The following CARNS1 variants were observed in gnomAD, a reference collection of about 807,000 sequenced individuals.
CARNS1 encodes carnosine synthase 1.
In CARNS1, 61 loss-of-function variants were observed where a neutral mutation model predicts 74.0. The ratio of observed to expected loss-of-function variants is 0.82; its 90% confidence interval spans 0.67 to 1.02. CARNS1 has a LOEUF of 1.02. Among genes scored for constraint, CARNS1 ranks in the 50% least tolerant of loss-of-function variants. CARNS1 has a pLI of 0.00. For synonymous variants in CARNS1, 568 were observed against 605.5 expected, an observed-to-expected ratio of 0.94 and a Z score of 0.91; for missense variants, 1,278 against 1,308.4, an observed-to-expected ratio of 0.98 and a Z score of 0.36.
chr11:67,419,105 G>T lies in CARNS1; in HGVS notation c.714G>T (p.Pro238=), dbSNP rs1004779634. The change falls in exon 5 of 10, where the codon CCG becomes CCT. Residue 238 remains proline (P), a synonymous_variant. Coordinates refer to ENST00000687366, the MANE Select transcript of CARNS1 (RefSeq NM_001166222.2). ...CAACCCTGGCTTTCACCTACAAGCC[G>T]CCGGGGCTGCTGCGGGGAGGGGATG... is the stretch of plus-strand genomic sequence containing the variant. ...VPATLAFTYK[P]PGLLRGGDAS... 1 of 1,570,452 alleles carries T rather than the reference G, an allele frequency of 6.4e-7. No homozygotes were observed. Among genetic ancestry groups the T allele is most frequent in the Non-Finnish European group, 8.6e-7 (1 of 1,157,264 alleles).
chr11:67,421,101 A>G lies in CARNS1; in HGVS notation c.1508A>G (p.Glu503Gly). Reference protein sequence around the residue: ...ADEAVAAPLVETMLRRSARCL... With the variant: ...ADEAVAAPLVGTMLRRSARCL... ...GAGGCGGTGGCGGCGCCGCTGGTGG[A>G]GACCATGCTTCGGCGGTCGGCGCGC... Residue 503 changes from glutamate (E) to glycine (G), a missense_variant, in exon 9 of 10, where the codon GAG becomes GGG. Physicochemically the swap from Glu to Gly is moderately conservative, Grantham distance 98 (BLOSUM62 -2). Around this residue, in one of 3 missense-constraint regions of CARNS1, gnomAD observed 1,164 missense variants for 1,156.5 expected, o/e 1.01. Transcript: ENST00000687366. 1 of 1,440,230 alleles carries G rather than the reference A, an allele frequency of 6.9e-7. No homozygotes were observed. Among genetic ancestry groups the G allele is most frequent in the Non-Finnish European group, 9.1e-7 (1 of 1,103,792 alleles). 89.2% of individuals were successfully genotyped at this position (1,440,230 alleles called of 1,614,324 possible).
intron 7 of CARNS1, among the ~76,000 whole-genome samples, chr11:67,420,125 C>G (rs972476722): frequency 3.3e-5 from 5 of 152,190 alleles, no homozygotes; most frequent in African/African-American, 9.7e-5. Flanking sequence ...CTCTTGCCCA[C>G]GTAGAGGCTG....
chr11:67,417,352 C>T (rs1475187633), intron 2 of CARNS1, 55 bp from the exon 3 acceptor site: 1 of 1,287,784 alleles, frequency 7.8e-7, no homozygotes, highest in Non-Finnish European at 9.8e-7. Flanking sequence ...CCTTGGGTGA[C>T]TTAATGTGCC....
Position 67,424,813 on chromosome 11 carries a change from C to A in CARNS1, c.*212C>A, listed in dbSNP as rs1313656805. The A allele has an allele frequency of 1.3e-5, 8 of 635,308 alleles. No homozygotes were observed. Among genetic ancestry groups the A allele is most frequent in the Admixed American group, 7.6e-5 (3 of 39,560 alleles). The allele number at this position is 635,308 out of a possible 1,614,324, so 39.4% of individuals were successfully genotyped here. On this transcript the variant is annotated 3_prime_UTR_variant, in exon 10 of 10. Coordinates refer to ENST00000687366, the MANE Select transcript of CARNS1 (RefSeq NM_001166222.2). ...CTCTTGCCCTCCCGAAGGCCCCAGT[C>A]CAGCCTACAGCTTCCCCAGCATTCT...
At position 67,422,171 on chromosome 11, in the gene CARNS1, C is replaced by CCT. The variant is rs753333377; in HGVS notation, c.1626+952_1626+953insCT. Among the ~76,000 whole-genome samples the CCT allele has an allele frequency of 3.7e-4, 27 of 72,798 alleles. No homozygotes were observed. In the East Asian group the frequency reaches 0.012, roughly 32 times the overall value. 47.8% of individuals were successfully genotyped at this position (72,798 alleles called of 152,430 possible). A position where few individuals can be genotyped will look rare whatever the true frequency, so the allele number is the denominator to read the frequency against. On this transcript the variant is annotated intron_variant, in intron 9 of 9. Transcript: ENST00000687366. ...ACAGGCGTGAGCCACCGCGCCCGGC[C>CCT]TTTTTTTTTTTTTTTTTTTTTTTTT...
Position 67,421,232 on chromosome 11 carries a change from C to T in CARNS1, c.1626+13C>T. The T allele has an allele frequency of 2.1e-5, 28 of 1,360,486 alleles. No homozygotes were observed. Among genetic ancestry groups the T allele is most frequent in the Non-Finnish European group, 2.7e-5 (28 of 1,046,632 alleles). 84.3% of individuals were successfully genotyped at this position (1,360,486 alleles called of 1,614,324 possible). A position where few individuals can be genotyped will look rare whatever the true frequency, so the allele number is the denominator to read the frequency against. On this transcript the variant is annotated intron_variant, in intron 9 of 9. Transcript: ENST00000687366. ...CTACGGGCTCCAGGTGGGCGGGGCG[C>T]GGGGCGGGGCTGGGCCCCAGGTCCT...
chr11:67,416,231 AG>A (rs1278109953), intron 2 of CARNS1, 29 bp downstream of exon 2: 1 of 1,536,882 alleles, frequency 6.5e-7, no homozygotes, highest in Non-Finnish European at 8.7e-7. Context: ...CTCCCCCACA[AG>A]GCCCAAGTCC....
Position 67,424,082 on chromosome 11 carries a change from G to A in CARNS1, c.2334G>A (p.Gln778=), listed in dbSNP as rs371390527. Residue 778 remains glutamine (Q), a synonymous_variant, in exon 10 of 10, where the codon CAG becomes CAA. Coordinates refer to ENST00000687366, the MANE Select transcript of CARNS1 (RefSeq NM_001166222.2). ...PTGLAPEQEA[Q]MVQAAFRCCL... The stretch of plus-strand genomic sequence containing the variant: ...GGCTGGCACCAGAGCAGGAGGCACA[G>A]ATGGTTCAGGCAGCCTTCCGCTGTT... 2.4e-5 allele frequency: 39 copies of A among 1,613,436 alleles called. No individual in the cohort carries two copies. Among genetic ancestry groups the A allele is most frequent in the Non-Finnish European group, 3.1e-5 (36 of 1,179,784 alleles).
Position 67,421,227 on chromosome 11 carries a change from G to A in CARNS1, c.1626+8G>A. 3 of 1,482,470 alleles carry A rather than the reference G, an allele frequency of 2.0e-6. No homozygotes were observed. The highest frequency in any genetic ancestry group is 1.8e-6 in the Non-Finnish European group (2 of 1,123,750). The allele number at this position is 1,482,470 out of a possible 1,614,324, so 91.8% of individuals were successfully genotyped here. On this transcript the variant is annotated splice_region_variant and intron_variant, in intron 9 of 9. Transcript: ENST00000687366. ...CGCGACTACGGGCTCCAGGTGGGCG[G>A]GGCGCGGGGCGGGGCTGGGCCCCAG...
At chr11:67,420,537 G>A (rs1863667144) in intron 7 of CARNS1, 72 bp from the exon 8 acceptor site, 1 of 1,007,372 alleles carries the variant, frequency 9.9e-7, no homozygotes, top group Non-Finnish European at 1.3e-6. Context: ...CTGAATTTTG[G>A]CACAAGGCGG....
In CARNS1 at chr11:67,423,687, C is replaced by T. The variant is rs1236509442; in HGVS notation, c.1939C>T (p.Leu647Phe). The T allele has an allele frequency of 6.3e-7, 1 of 1,591,968 alleles. No homozygotes were observed. The highest frequency in any genetic ancestry group is 2.3e-5 in the East Asian group (1 of 43,856). The change falls in exon 10 of 10, where the codon CTC becomes TTC. Residue 647 changes from leucine (L) to phenylalanine (F), a missense_variant. Leu to Phe is a conservative substitution (Grantham distance 22, BLOSUM62 0). Transcript: ENST00000687366. The surrounding 1 kb of genome is among the most constrained non-coding windows in gnomAD (Gnocchi z 5.1). ...HHGPPWPAPS[L>F]HAVPCCPLES... is the part of the protein sequence containing the mutation. Reference sequence around the variant, plus strand: ...TGGCCCACCCTGGCCTGCGCCCTCCCTCCATGCTGTGCCCTGCTGCCCACT... The same window carrying T: ...TGGCCCACCCTGGCCTGCGCCCTCCTTCCATGCTGTGCCCTGCTGCCCACT...
rs1248363696 is a variant in CARNS1, at chr11:67,423,765, G to A, written c.2017G>A (p.Val673Ile). The change falls in exon 10 of 10, where the codon GTC (valine) becomes ATC (isoleucine). Residue 673 changes from valine (V) to isoleucine (I), a missense_variant. Transcript: ENST00000687366. This position sits in a 1 kb window ranked among gnomAD's most constrained non-coding sequence, Gnocchi z 5.1. ...RAVHQVPLPGVMKLEFGAGAV... is the reference protein window; with the variant it reads ...RAVHQVPLPGIMKLEFGAGAV... ...CGTGCACCAGGTACCCCTGCCAGGT[G>A]TCATGAAGCTGGAGTTCGGGGCAGG... 3 of 1,592,386 alleles carry A rather than the reference G, an allele frequency of 1.9e-6. No homozygotes were observed. The highest frequency in any genetic ancestry group is 2.6e-6 in the Non-Finnish European group (3 of 1,174,166).
chr11:67,416,957 A>G, intron 2 of CARNS1: 7 of 989,724 alleles, frequency 7.1e-6, no homozygotes, highest in Non-Finnish European at 8.4e-6. Context: ...GGGTCATGAG[A>G]CAGAAATAAG....
rs1863611658 is a variant in CARNS1 at position 67,418,798 on chromosome 11, T to A, written c.407T>A (p.Val136Glu). The A allele has an allele frequency of 6.2e-7, 1 of 1,600,742 alleles. No individual in the cohort carries two copies. Among genetic ancestry groups the A allele is most frequent in the South Asian group, 1.1e-5 (1 of 89,014 alleles). The stretch of plus-strand genomic sequence containing the variant: ...CTGTCCCCTGCTTGGCTGATGAAGG[T>A]GCCAGCACCCGGGCAGCCGGGTGAG... Reference protein sequence around the residue: ...LCLSPAWLMKVPAPGQPGEAA... With the variant: ...LCLSPAWLMKEPAPGQPGEAA... Residue 136 changes from valine (V) to glutamate (E), a missense_variant, in exon 5 of 10, where the codon GTG (valine) becomes GAG (glutamate). By Grantham distance (121) the Val-to-Glu change is moderately radical (BLOSUM62 -2). This residue lies in a region of CARNS1 where 1,164 missense variants were observed against 1,156.5 expected (regional missense o/e 1.01). Coordinates refer to ENST00000687366, the MANE Select transcript of CARNS1 (RefSeq NM_001166222.2).
chr11:67,422,477 C>T (rs992550168), intron 9 of CARNS1, among the ~76,000 whole-genome samples: 5 of 152,076 alleles, frequency 3.3e-5, no homozygotes, highest in Non-Finnish European at 7.4e-5. Context: ...GCCACCAGCC[C>T]GGCCTGCCTG....
chr11:67,418,710 G>C (rs776961756), intron 4 of CARNS1, 46 bp from the exon 5 acceptor site: 7 of 1,512,886 alleles, frequency 4.6e-6, no homozygotes, highest in Non-Finnish European at 6.2e-6. Flanking sequence ...CCGGGCATAG[G>C]GCATCAAGCC....
intron 9 of CARNS1, 24 bp downstream of exon 9, chr11:67,421,243 T>G (rs929871093): frequency 2.1e-4 from 302 of 1,458,066 alleles, no homozygotes; most frequent in Non-Finnish European, 2.6e-4. Context: ...GGGGCGGGGC[T>G]GGGCCCCAGG....
In CARNS1 at chr11:67,425,213, C is replaced by T. The variant is rs1052006855; in HGVS notation, c.*612C>T. 1.8e-5 allele frequency: 7 copies of T among 381,356 alleles called. No homozygotes were observed. Among genetic ancestry groups the T allele is most frequent in the Non-Finnish European group, 3.1e-5 (6 of 191,856 alleles). The allele number at this position is 381,356 out of a possible 1,614,324, so 23.6% of individuals were successfully genotyped here. A position where few individuals can be genotyped will look rare whatever the true frequency, so the allele number is the denominator to read the frequency against. Reference sequence around the variant, plus strand: ...GCAGACACAACTGCCTATGTTCCCCCGATGAGAGGAAACAGGCTGAGAGAA... The same window carrying T: ...GCAGACACAACTGCCTATGTTCCCCTGATGAGAGGAAACAGGCTGAGAGAA... On this transcript the variant is annotated 3_prime_UTR_variant, in exon 10 of 10. Coordinates refer to ENST00000687366, the MANE Select transcript of CARNS1 (RefSeq NM_001166222.2).
In CARNS1 at chr11:67,425,582, CA is replaced by C. The variant is rs1863810920; in HGVS notation, c.*984del. The C allele has an allele frequency of 6.0e-6, 1 of 165,790 alleles. No individual in the cohort carries two copies. Among genetic ancestry groups the C allele is most frequent in the Non-Finnish European group, 1.3e-5 (1 of 75,002 alleles). 10.3% of individuals were successfully genotyped at this position (165,790 alleles called of 1,614,324 possible). ...AGGCAGCTCCCCAGGCATCCCTCCCCAAATAAAGGCTTATGTACTGGTGAAG... is the reference window on the plus strand; with the variant it reads ...AGGCAGCTCCCCAGGCATCCCTCCCCAATAAAGGCTTATGTACTGGTGAAG... On this transcript the variant is annotated 3_prime_UTR_variant, in exon 10 of 10. Transcript: ENST00000687366.
Sources: allele counts gnomAD v4.1 joint callset (sites outside exome capture counted in the v4.1 genomes callset), GRCh38; gene constraint gnomAD v4.1.1; regional missense constraint gnomAD v4.1.1; non-coding constraint Gnocchi (gnomAD v3.1); transcripts MANE v1.5; gene names NCBI Gene and HGNC (gene_info 2026-07-23, HGNC 2026-07-21).